CNNM1: variants seen among roughly 807,000 people sequenced by gnomAD.
CNNM1 encodes the protein metal transporter CNNM1.
CNNM1 carries 44 observed loss-of-function variants against 78.8 expected under a neutral mutation model. The observed-to-expected ratio is 0.56, with a 90% CI of 0.44 to 0.72. CNNM1 has a LOEUF of 0.72. Among genes scored for constraint, CNNM1 ranks in the 30% least tolerant of loss-of-function variants. The pLI is 0.00. For missense variants in CNNM1, 1,101 were observed against 1,292.2 expected (o/e 0.85, Z 2.27); for synonymous variants, 584 against 581.5 (o/e 1.00, Z -0.06).
chr10:99,386,752 C>T (rs1428805883), intron 7 of CNNM1, among the ~76,000 whole-genome samples: 1 of 152,200 alleles, frequency 6.6e-6, no homozygotes, highest in Non-Finnish European at 1.5e-5. Context: ...TACTCTCTTT[C>T]CCAACATGTC....
intron 1 of CNNM1, among the ~76,000 whole-genome samples, chr10:99,340,598 C>T (rs867589392): frequency 6.6e-6 from 1 of 152,078 alleles, no homozygotes; most frequent in Non-Finnish European, 1.5e-5. Flanking sequence ...CTTCTAGGCC[C>T]ATGTTTGGGG....
intron 7 of CNNM1, among the ~76,000 whole-genome samples, chr10:99,383,538 C>G (rs1361639094): frequency 6.6e-6 from 1 of 152,174 alleles, no homozygotes; most frequent in Non-Finnish European, 1.5e-5. Context: ...TCCCAAAGTG[C>G]TGGGATTACA....
chr10:99,343,589 G>T (rs2030549449), intron 1 of CNNM1, among the ~76,000 whole-genome samples: 1 of 152,204 alleles, frequency 6.6e-6, no homozygotes. Flanking sequence ...CTCAGACCAT[G>T]GAGCCAAGGA....
At chr10:99,377,241 C>A (rs767715716) in intron 7 of CNNM1, 23 bp downstream of exon 7, 20 of 1,609,782 alleles carry the variant, frequency 1.2e-5, no homozygotes, top group African/African-American at 2.7e-5. Flanking sequence ...GGAAGGTTAT[C>A]CTCTCCCTCC....
intron 1 of CNNM1, among the ~76,000 whole-genome samples, chr10:99,345,541 G>T (rs1475584093): frequency 6.6e-6 from 1 of 152,196 alleles, no homozygotes; most frequent in Non-Finnish European, 1.5e-5. Flanking sequence ...CATATCTGAG[G>T]TTGGTTTGTG....
intron 1 of CNNM1, 23 bp downstream of exon 1, chr10:99,330,983 C>T: frequency 6.3e-6 from 10 of 1,584,802 alleles, no homozygotes; most frequent in Non-Finnish European, 8.6e-6. Context: ...CTATCTTCTC[C>T]CCCAACTCCT....
At position 99,387,902 on chromosome 10, in the gene CNNM1, C is replaced by A; in HGVS notation, c.2423C>A (p.Thr808Lys). The change falls in exon 8 of 11, where the codon ACA becomes AAA. Residue 808 changes from threonine to lysine, a missense_variant. Around this residue, in one of 3 missense-constraint regions of CNNM1, gnomAD observed 348 missense variants for 384.5 expected, o/e 0.90. Transcript: ENST00000356713. ...CAGTCCCCTGACATGGAGGCCTTCA[C>A]AGACGGGGACTCCACTAAGGCCCCC... The part of the protein sequence containing the change: ...SPQSPDMEAF[T>K]DGDSTKAPTT... 6.2e-7 allele frequency: 1 copy of A among 1,613,788 alleles called. No individual in the cohort carries two copies. Among genetic ancestry groups the A allele is most frequent in the Non-Finnish European group, 8.5e-7 (1 of 1,179,792 alleles).
chr10:99,340,582 G>A (rs1039157487), intron 1 of CNNM1, among the ~76,000 whole-genome samples: 3 of 152,090 alleles, frequency 2.0e-5, no homozygotes, highest in African/African-American at 4.8e-5. Context: ...GTCATAAAAC[G>A]AGTTCCTTCT....
Position 99,360,856 on chromosome 10 carries a change from G to T in CNNM1, c.1739G>T (p.Arg580Met). 1 of 1,609,188 alleles carries T rather than the reference G, an allele frequency of 6.2e-7. No homozygotes were observed. The highest frequency in any genetic ancestry group is 8.5e-7 in the Non-Finnish European group (1 of 1,176,398). The part of the protein sequence containing the change: ...DLYTDNRKKQ[R>M]VPQRERKRHD... Reference sequence around the variant, plus strand: ...ACAGCTGACAATCGGAAAAAGCAGAGGGTCCCGCAACGGGAGCGGAAGCGG... The same window carrying T: ...ACAGCTGACAATCGGAAAAAGCAGATGGTCCCGCAACGGGAGCGGAAGCGG... Residue 580 changes from arginine to methionine, a missense_variant, in exon 3 of 11, where the codon AGG (arginine) becomes ATG (methionine). Physicochemically the swap from Arg to Met is moderately conservative, Grantham distance 91. Coordinates refer to ENST00000356713, the MANE Select transcript of CNNM1 (RefSeq NM_020348.3).
chr10:99,385,972 C>A (rs572267521), intron 7 of CNNM1, among the ~76,000 whole-genome samples: 5 of 152,182 alleles, frequency 3.3e-5, no homozygotes, highest in Non-Finnish European at 7.3e-5. Flanking sequence ...GGTGTTAGAG[C>A]CAAATTTCCT....
rs1416201081 is a variant in CNNM1 at position 99,330,163 on chromosome 10, A to T, written c.776A>T (p.Asn259Ile). Residue 259 changes from asparagine (N) to isoleucine (I), a missense_variant, in exon 1 of 11, where the codon AAC (asparagine) becomes ATC (isoleucine). Asn to Ile is a moderately radical substitution (Grantham distance 149). Transcript: ENST00000356713. ...LDPVELRVLR[N>I]SGSAAEQEQA... ...CCGGTGGAGTTACGGGTGCTGCGGA[A>T]CAGCGGCTCGGCCGCCGAGCAGGAG... The T allele has an allele frequency of 5.9e-6, 9 of 1,529,776 alleles. No individual in the cohort carries two copies. The highest frequency in any genetic ancestry group is 7.9e-6 in the Non-Finnish European group (9 of 1,144,266). The allele number at this position is 1,529,776 out of a possible 1,614,324, so 94.8% of individuals were successfully genotyped here.
chr10:99,363,519 A>C (rs2134052273), intron 4 of CNNM1, among the ~76,000 whole-genome samples: 1 of 152,284 alleles, frequency 6.6e-6, no homozygotes, highest in South Asian at 2.1e-4. Flanking sequence ...TTTCCTAACT[A>C]ACCTGGACCA....
At chr10:99,382,655 T>C (rs939406074) in intron 7 of CNNM1, among the ~76,000 whole-genome samples, 5 of 152,168 alleles carry the variant, frequency 3.3e-5, no homozygotes, top group African/African-American at 1.2e-4. Flanking sequence ...TAGTCCCAGC[T>C]ACTTGGGAGG....
At position 99,388,400 on chromosome 10, in the gene CNNM1, G is replaced by A. The variant is rs1005742462; in HGVS notation, c.2674+99G>A. Reference sequence around the variant, plus strand: ...GCTGGCTGAGGGGAGCCCTGGGACCGCAGCCCGTGCGTTAAACCTCCGACC... The same window carrying A: ...GCTGGCTGAGGGGAGCCCTGGGACCACAGCCCGTGCGTTAAACCTCCGACC... On this transcript the variant is annotated intron_variant, in intron 9 of 10. Transcript: ENST00000356713. 29 of 1,388,296 alleles carry A rather than the reference G, an allele frequency of 2.1e-5. No individual in the cohort carries two copies. The East Asian group carries it at 2.5e-4, about 12-fold the overall frequency. The allele number at this position is 1,388,296 out of a possible 1,614,324, so 86.0% of individuals were successfully genotyped here. A position where few individuals can be genotyped will look rare whatever the true frequency, so the allele number is the denominator to read the frequency against.
At chr10:99,360,170 C>T (rs2031382379) in intron 2 of CNNM1, among the ~76,000 whole-genome samples, 1 of 152,150 alleles carries the variant, frequency 6.6e-6, no homozygotes, top group Non-Finnish European at 1.5e-5. Flanking sequence ...TATATTTCCC[C>T]TGATTCCCTC....
Position 99,392,475 on chromosome 10 carries a change from A to C in CNNM1, c.*959A>C, listed in dbSNP as rs191732460. On this transcript the variant is annotated 3_prime_UTR_variant, in exon 11 of 11. Transcript: ENST00000356713. ...CATAATCTCATGGGACTTCAGTGGGAGTTACACAGGAATGTTGAAGAATCA... is the reference window on the plus strand; with the variant it reads ...CATAATCTCATGGGACTTCAGTGGGCGTTACACAGGAATGTTGAAGAATCA... 6.5e-6 allele frequency: 1 copy of C among 152,772 alleles called. No individual in the cohort carries two copies. Among genetic ancestry groups the C allele is most frequent in the African/African-American group, 2.4e-5 (1 of 41,582 alleles). The allele number at this position is 152,772 out of a possible 1,614,324, so 9.5% of individuals were successfully genotyped here.
intron 6 of CNNM1, among the ~76,000 whole-genome samples, chr10:99,365,500 C>T (rs991802867): frequency 6.6e-6 from 1 of 152,210 alleles, no homozygotes; most frequent in Admixed American, 6.5e-5. Flanking sequence ...TGGTTCTCCA[C>T]CTCTCAGCTA....
At chr10:99,332,090 C>T (rs1376732626) in intron 1 of CNNM1, among the ~76,000 whole-genome samples, 1 of 152,184 alleles carries the variant, frequency 6.6e-6, no homozygotes, top group African/African-American at 2.4e-5. Flanking sequence ...CCCCCTAGTT[C>T]ACCAGATTTG....
chr10:99,382,544 C>T (rs192436339), intron 7 of CNNM1, among the ~76,000 whole-genome samples: 208 of 152,306 alleles, frequency 1.4e-3, no homozygotes, highest in African/African-American at 4.7e-3. Flanking sequence ...AGGAGAATCA[C>T]TTGAGGCCAG....
Sources: allele counts gnomAD v4.1 joint callset (sites outside exome capture counted in the v4.1 genomes callset), GRCh38; gene constraint gnomAD v4.1.1; regional missense constraint gnomAD v4.1.1; transcripts MANE v1.5; gene names NCBI Gene and HGNC (gene_info 2026-07-23, HGNC 2026-07-21).